The following TTN variants were observed in gnomAD, a reference collection of about 807,000 sequenced individuals.
TTN encodes the protein titin, also known as connectin.
A neutral mutation model predicts 3,223.0 loss-of-function variants in TTN; 1,525 were observed. The observed-to-expected ratio is 0.47, with a 90% confidence interval of 0.45 to 0.49. The LOEUF is 0.49. TTN is among the 20% of genes least tolerant of loss of function. TTN has a pLI of 0.00. For synonymous variants in TTN, 14,094 were observed against 15,161.0 expected (o/e 0.93, Z 5.17); for missense variants, 40,786 against 43,424.0 (o/e 0.94, Z 5.40).
Position 178,566,431 on chromosome 2 carries a change from G to A in TTN, c.79701C>T (p.Asn26567=), listed in dbSNP as rs376808846. Reference sequence around the variant, plus strand: ...ATGTAGCCTCACCTAAACCAACTTTGTTGAGGGCACAGACTCGTATTTTAT... The same window carrying A: ...ATGTAGCCTCACCTAAACCAACTTTATTGAGGGCACAGACTCGTATTTTAT... ...QEYKIRVCAL[N]KVGLGEATSV... The change falls in exon 326 of 363, where the codon AAC becomes AAT. Residue 26567 remains asparagine (N), a synonymous_variant. Transcript: ENST00000589042. The A allele has an allele frequency of 2.5e-6, 4 of 1,613,290 alleles. No individual in the cohort carries two copies. In the African/African-American group the frequency reaches 4.0e-5, roughly 16 times the overall value.
Position 178,722,426 on chromosome 2 carries a change from C to T in TTN, c.22361G>A (p.Arg7454Lys), listed in dbSNP as rs727504464. ...GSAPIQVCWY[R>K]DGVLLRDDEN... Reference sequence around the variant, plus strand: ...ATCGTCTCTTAAAAGTACTCCATCTCTATACCAGCACACTTGGATGGGTGC... The same window carrying T: ...ATCGTCTCTTAAAAGTACTCCATCTTTATACCAGCACACTTGGATGGGTGC... Residue 7454 changes from arginine (R) to lysine (K), a missense_variant, in exon 77 of 363, where the codon AGA becomes AAA. Physicochemically the swap from Arg to Lys is conservative, Grantham distance 26. Transcript: ENST00000589042. 8 of 1,613,454 alleles carry T rather than the reference C, an allele frequency of 5.0e-6. No homozygotes were observed. Among genetic ancestry groups the T allele is most frequent in the Non-Finnish European group, 6.8e-6 (8 of 1,179,552 alleles).
rs2154187342 is a variant in TTN at position 178,594,624 on chromosome 2, G to A, written c.57870C>T (p.Asp19290=). ...EPITVPERPE[D]LEVKEVTKNT... ...TTTTAGTAACTTCTTTGACTTCCAG[G>A]TCTTCAGGACGCTCTGGTACAGCTG... Residue 19290 remains aspartate, a synonymous_variant, in exon 296 of 363, where the codon GAC becomes GAT. Transcript: ENST00000589042. 4 of 1,610,836 alleles carry A rather than the reference G, an allele frequency of 2.5e-6. No individual in the cohort carries two copies. The highest frequency in any genetic ancestry group is 2.5e-6 in the Non-Finnish European group (3 of 1,178,048).
chr2:178,757,176 T>TTGCTTTAAGTACAGTAAGTAA (rs2087373095), intron 45 of TTN, among the ~76,000 whole-genome samples: 1 of 151,764 alleles, frequency 6.6e-6, no homozygotes, highest in African/African-American at 2.4e-5. Context: ...AATACTGTAC[T>TTGCTTTAAGTACAGTAAGTAA]TACTTTAAGT....
chr2:178,797,651 TG>T (rs2093841243), intron 6 of TTN, among the ~76,000 whole-genome samples: 1 of 152,172 alleles, frequency 6.6e-6, no homozygotes, highest in African/African-American at 2.4e-5. Flanking sequence ...AGGCTGGTGT[TG>T]TCTACCTTGT....
At chr2:178,651,830 G>C (rs2063035557) in intron 205 of TTN, 54 bp downstream of exon 205, 2 of 1,600,834 alleles carry the variant, frequency 1.2e-6, no homozygotes, top group Non-Finnish European at 1.7e-6. Context: ...GAATTATCAG[G>C]GCAGGAAGGG....
At chr2:178,806,338 T>A (rs2094319546) in intron 1 of TTN, among the ~76,000 whole-genome samples, 1 of 152,210 alleles carries the variant, frequency 6.6e-6, no homozygotes, top group African/African-American at 2.4e-5. Context: ...ATTATATATC[T>A]ATGTATTTAC....
At position 178,617,857 on chromosome 2, in the gene TTN, G is replaced by A. The variant is rs751746401; in HGVS notation, c.47494C>T (p.Arg15832Ter). Residue 15832 changes from arginine (R) to a stop codon, truncating the protein, a stop_gained, in exon 253 of 363, where the codon CGA becomes TGA. Coordinates refer to ENST00000589042, the MANE Select transcript of TTN (RefSeq NM_001267550.2). LOFTEE classifies it high-confidence loss of function. ...CCAATTCGATTTTGGGCTCTCACTC[G>A]GAAACTGTACTCCTGTCCTTCTACC... The part of the protein sequence containing the change: ...DVVEGQEYSF[R>*]VRAQNRIGVG... 5.6e-6 allele frequency: 9 copies of A among 1,612,382 alleles called. No individual in the cohort carries two copies. The highest frequency in any genetic ancestry group is 1.3e-5 in the African/African-American group (1 of 74,774).
chr2:178,787,482 T>C (rs1410339354), intron 13 of TTN, among the ~76,000 whole-genome samples: 2 of 152,186 alleles, frequency 1.3e-5, no homozygotes, highest in African/African-American at 4.8e-5. Flanking sequence ...CATTTTAAAA[T>C]GTTAACATCT....
Position 178,534,266 on chromosome 2 carries a change from T to C in TTN, c.102349A>G (p.Ile34117Val). ...SAARISCGGA[I>V]RSQKGVSVAK... ...ACACTCACTCCCTTCTGAGATCGAATTGCACCACCACAGGAGATCCGGGCT... is the reference window on the plus strand; with the variant it reads ...ACACTCACTCCCTTCTGAGATCGAACTGCACCACCACAGGAGATCCGGGCT... Residue 34117 changes from isoleucine (I) to valine (V), a missense_variant, in exon 358 of 363, where the codon ATT (isoleucine) becomes GTT (valine). Physicochemically the swap from Ile to Val is conservative, Grantham distance 29. Coordinates refer to ENST00000589042, the MANE Select transcript of TTN (RefSeq NM_001267550.2). 6.2e-7 allele frequency: 1 copy of C among 1,613,948 alleles called. No homozygotes were observed. The highest frequency in any genetic ancestry group is 8.5e-7 in the Non-Finnish European group (1 of 1,179,852).
intron 127 of TTN, among the ~76,000 whole-genome samples, chr2:178,687,256 C>A (rs1439057212): frequency 6.6e-6 from 1 of 152,192 alleles, no homozygotes; most frequent in Admixed American, 6.5e-5. Context: ...TCTTTAAAAG[C>A]AGACCTTAGG....
Position 178,683,302 on chromosome 2 carries a change from G to C in TTN, c.32807-11C>G, listed in dbSNP as rs371137514. On this transcript the variant is annotated splice_polypyrimidine_tract_variant and intron_variant, in intron 133 of 362. Coordinates refer to ENST00000589042, the MANE Select transcript of TTN (RefSeq NM_001267550.2). ...TTCTGAATTCAGTCACTTTAAAGGA[G>C]TAATTATTAAAAGTGAATTGCAAGA... is the stretch of plus-strand genomic sequence containing the variant. The C allele has an allele frequency of 6.9e-7, 1 of 1,458,176 alleles. No individual in the cohort carries two copies. Among genetic ancestry groups the C allele is most frequent in the South Asian group, 1.3e-5 (1 of 75,270 alleles). The allele number at this position is 1,458,176 out of a possible 1,614,324, so 90.3% of individuals were successfully genotyped here.
At chr2:178,629,164 A>G (rs2059460986) in intron 240 of TTN, 137 bp downstream of exon 240, 10 of 1,228,446 alleles carry the variant, frequency 8.1e-6, no homozygotes, top group South Asian at 1.9e-5. Flanking sequence ...TTCAGCAGAA[A>G]TCAGGCTAAA....
At position 178,533,305 on chromosome 2, in the gene TTN, G is replaced by A; in HGVS notation, c.103310C>T (p.Thr34437Ile). ...LPEDTGYYRV[T>I]ATNTAGSTSC... is the part of the protein sequence containing the mutation. The stretch of plus-strand genomic sequence containing the variant: ...GGTGGACCCAGCTGTGTTAGTGGCT[G>A]TGACTCTATAATAACCCGTGTCTTC... The change falls in exon 358 of 363, where the codon ACA becomes ATA. Residue 34437 changes from threonine to isoleucine, a missense_variant. Physicochemically the swap from Thr to Ile is moderately conservative, Grantham distance 89. Coordinates refer to ENST00000589042, the MANE Select transcript of TTN (RefSeq NM_001267550.2). 1 of 1,613,954 alleles carries A rather than the reference G, an allele frequency of 6.2e-7. No individual in the cohort carries two copies. Among genetic ancestry groups the A allele is most frequent in the Non-Finnish European group, 8.5e-7 (1 of 1,179,876 alleles).
intron 222 of TTN, 30 bp from the exon 223 acceptor site, chr2:178,639,818 A>T (rs1489729547): frequency 6.5e-7 from 1 of 1,544,870 alleles, no homozygotes; most frequent in Non-Finnish European, 8.7e-7. Flanking sequence ...GCATTAGTGT[A>T]TCAATTTGTC....
rs879200560 is a variant in TTN at position 178,564,725 on chromosome 2, C to G, written c.81407G>C (p.Gly27136Ala). ...PIQDTKFKTT[G>A]LDEGLEYEFK... ...CTCATACTCAAGGCCCTCATCAAGC[C>G]CAGTTGTTTTGAATTTGGTGTCCTG... Residue 27136 changes from glycine (G) to alanine (A), a missense_variant, in exon 326 of 363, where the codon GGG becomes GCG. By Grantham distance (60) the Gly-to-Ala change is moderately conservative. Transcript: ENST00000589042. 40 of 1,613,072 alleles carry G rather than the reference C, an allele frequency of 2.5e-5. No individual in the cohort carries two copies. Among genetic ancestry groups the G allele is most frequent in the Non-Finnish European group, 3.4e-5 (40 of 1,179,568 alleles).
rs1553735040 is a variant in TTN, at chr2:178,630,700, C to G, written c.44154+104G>C. On this transcript the variant is annotated intron_variant, in intron 238 of 362. Transcript: ENST00000589042. ...TTTGGCTTAGGGTCTGATAGAGAAACTGCTATCATGTTTTAAATGTCCTGC... is the reference window on the plus strand; with the variant it reads ...TTTGGCTTAGGGTCTGATAGAGAAAGTGCTATCATGTTTTAAATGTCCTGC... 20 of 1,481,750 alleles carry G rather than the reference C, an allele frequency of 1.3e-5. 1 individual carries two copies. The South Asian group carries it at 2.7e-4, about 20-fold the overall frequency. The allele number at this position is 1,481,750 out of a possible 1,614,324, so 91.8% of individuals were successfully genotyped here. A position where few individuals can be genotyped will look rare whatever the true frequency, so the allele number is the denominator to read the frequency against.
At chr2:178,604,632 A>T in intron 281 of TTN, 76 bp downstream of exon 281, 1 of 1,429,334 alleles carries the variant, frequency 7.0e-7, no homozygotes, top group Non-Finnish European at 9.4e-7. Flanking sequence ...ATCAAATTCC[A>T]AGGTTATATT....
intron 270 of TTN, 126 bp from the exon 271 acceptor site, chr2:178,610,515 C>G: frequency 2.0e-6 from 2 of 999,546 alleles, no homozygotes; most frequent in Non-Finnish European, 2.9e-6. Context: ...GAGTGTCATT[C>G]ACACTGCAGA....
Position 178,535,729 on chromosome 2 carries a change from C to T in TTN, c.100886G>A (p.Trp33629Ter), listed in dbSNP as rs1260821931. 3 of 1,613,566 alleles carry T rather than the reference C, an allele frequency of 1.9e-6. No homozygotes were observed. The highest frequency in any genetic ancestry group is 2.5e-6 in the Non-Finnish European group (3 of 1,179,746). ...GTCAATGAGATCTTGTCCTTTCTGC[C>T]AGGTGATCACAGGATCTGGTTTGCC... The part of the protein sequence containing the change: ...FSGKPDPVIT[W>*]QKGQDLIDNN... Residue 33629 changes from tryptophan (W) to a stop codon, truncating the protein, a stop_gained, in exon 358 of 363, where the codon TGG becomes TAG. Coordinates refer to ENST00000589042, the MANE Select transcript of TTN (RefSeq NM_001267550.2). LOFTEE classifies it high-confidence loss of function.
Sources: gnomAD v4.1 joint callset for allele counts (sites outside exome capture counted in the v4.1 genomes callset) on GRCh38, gnomAD v4.1.1 for gene constraint, MANE v1.5 for transcripts, NCBI Gene and HGNC (gene_info 2026-07-23, HGNC 2026-07-21) for gene names.